Variants in HSF2 observed in about 807,000 individuals in gnomAD.
HSF2 encodes the protein heat shock factor protein 2.
HSF2 carries 21 observed loss-of-function variants against 65.0 expected under a neutral mutation model. The ratio of observed to expected loss-of-function variants is 0.32; its 90% CI spans 0.23 to 0.47. The LOEUF (loss-of-function observed/expected upper bound fraction) is 0.47, where lower values mean the gene tolerates loss of function less well. Ranked by LOEUF, HSF2 falls within the 20% of genes least tolerant of loss-of-function variation. HSF2 has a pLI of 1.00. For missense variants in HSF2, 499 were observed against 628.1 expected (o/e 0.79, Z 2.20); for synonymous variants, 225 against 219.1 (o/e 1.03, Z -0.24).
At chr6:122,410,292 C>G (rs897239075) in intron 1 of HSF2, among the ~76,000 whole-genome samples, 5 of 151,346 alleles carry the variant, frequency 3.3e-5, no homozygotes, top group Admixed American at 1.3e-4. Context: ...ATTTGTCTTC[C>G]TTTTGTATTT....
intron 5 of HSF2, among the ~76,000 whole-genome samples, chr6:122,418,154 C>T (rs1216802491): frequency 6.6e-6 from 1 of 152,150 alleles, no homozygotes; most frequent in Non-Finnish European, 1.5e-5. Context: ...CTAAATAGTG[C>T]TCCAATCAAT....
chr6:122,432,488 A>T lies in HSF2; in HGVS notation c.*268A>T, dbSNP rs773323522. On this transcript the variant is annotated 3_prime_UTR_variant, in exon 13 of 13. Coordinates refer to ENST00000368455, the MANE Select transcript of HSF2 (RefSeq NM_004506.4). ...ATGGCCATTTTTCTCCAATTTTGGT[A>T]AATTGGATATCTTTTTTTTACAAAT... is the stretch of plus-strand genomic sequence containing the variant. The T allele has an allele frequency of 2.8e-6, 1 of 356,318 alleles. No individual in the cohort carries two copies. The highest frequency in any genetic ancestry group is 5.1e-6 in the Non-Finnish European group (1 of 195,328). The allele number at this position is 356,318 out of a possible 1,614,324, so 22.1% of individuals were successfully genotyped here.
intron 1 of HSF2, among the ~76,000 whole-genome samples, chr6:122,402,334 T>C (rs1165014568): frequency 6.6e-6 from 1 of 152,250 alleles, no homozygotes; most frequent in Non-Finnish European, 1.5e-5. Context: ...GTCTCATTTG[T>C]GCTCTCCATG....
chr6:122,425,188 C>G (rs757102041), intron 10 of HSF2, among the ~76,000 whole-genome samples: 1 of 152,076 alleles, frequency 6.6e-6, no homozygotes, highest in Non-Finnish European at 1.5e-5. Flanking sequence ...TTCTGCTTCT[C>G]TAACTCCTTT....
chr6:122,413,452 T>C (rs1774046205), intron 3 of HSF2, 73 bp from the exon 4 acceptor site: 1 of 1,158,210 alleles, frequency 8.6e-7, no homozygotes, highest in Non-Finnish European at 1.2e-6. Flanking sequence ...AAACCTCTTC[T>C]AATAGGGAAG....
rs534780743 is a variant in HSF2, at chr6:122,423,565, A to AT, written c.1071-7dup. On this transcript the variant is annotated splice_polypyrimidine_tract_variant and intron_variant, in intron 9 of 12. Transcript: ENST00000368455. ...GGATATCTAATATTTGATTAAAAAA[A>AT]TTTTTTTTTCCTTAGGGTTGAGCTG... is the stretch of plus-strand genomic sequence containing the variant. 568 of 1,430,766 alleles carry AT rather than the reference A, an allele frequency of 4.0e-4. No homozygotes were observed. Among genetic ancestry groups the AT allele is most frequent in the South Asian group, 6.4e-4 (48 of 75,198 alleles). 88.6% of individuals were successfully genotyped at this position (1,430,766 alleles called of 1,614,324 possible).
At chr6:122,424,391 A>G (rs868634843) in intron 10 of HSF2, among the ~76,000 whole-genome samples, 4 of 151,722 alleles carry the variant, frequency 2.6e-5, no homozygotes, top group Non-Finnish European at 5.9e-5. Flanking sequence ...TTCTCTCTTT[A>G]TCCTGGAAAA....
chr6:122,432,451 A>G lies in HSF2; in HGVS notation c.*231A>G, dbSNP rs1774496753. 1 of 408,662 alleles carries G rather than the reference A, an allele frequency of 2.4e-6. No individual in the cohort carries two copies. The highest frequency in any genetic ancestry group is 4.1e-5 in the East Asian group (1 of 24,168). 25.3% of individuals were successfully genotyped at this position (408,662 alleles called of 1,614,324 possible). A position where few individuals can be genotyped will look rare whatever the true frequency, so the allele number is the denominator to read the frequency against. On this transcript the variant is annotated 3_prime_UTR_variant, in exon 13 of 13. Transcript: ENST00000368455. The stretch of plus-strand genomic sequence containing the variant: ...AATGCACATTATTGGCGTATCTTTA[A>G]GTTGGATTCAAATGGCCATTTTTCT...
chr6:122,410,952 T>TG (rs796881888), intron 1 of HSF2, among the ~76,000 whole-genome samples: 70 of 149,338 alleles, frequency 4.7e-4, no homozygotes, highest in African/African-American at 1.6e-3. Context: ...TTTTGGGTTT[T>TG]TTTTTTTTTT....
Position 122,432,316 on chromosome 6 carries a change from GT to G in HSF2, c.*100del, listed in dbSNP as rs1326390662. 5 of 1,056,526 alleles carry G rather than the reference GT, an allele frequency of 4.7e-6. No homozygotes were observed. The African/African-American group carries it at 8.0e-5, about 17-fold the overall frequency. The allele number at this position is 1,056,526 out of a possible 1,614,324, so 65.4% of individuals were successfully genotyped here. ...TGGTACTTTTTTTGTAAATTGCTTT[GT>G]TTTGTTTAATCAGATACTGTGGAAT... On this transcript the variant is annotated 3_prime_UTR_variant, in exon 13 of 13. Transcript: ENST00000368455.
intron 1 of HSF2, among the ~76,000 whole-genome samples, chr6:122,408,125 A>G (rs1032326759): frequency 6.6e-6 from 1 of 152,140 alleles, no homozygotes; most frequent in Non-Finnish European, 1.5e-5. Context: ...GGGTTTCAAC[A>G]TAGAATTTTG....
In HSF2 at chr6:122,422,298, A is replaced by G. The variant is rs1310800293; in HGVS notation, c.830A>G (p.Asn277Ser). ...TNEDVISDPS[N>S]CSQYPDIVIV... is the part of the protein sequence containing the mutation. ...GAGGATGTTATATCTGATCCCTCCAAGTAAGGAGTTTGTGAGATAAAATGT... is the reference window on the plus strand; with the variant it reads ...GAGGATGTTATATCTGATCCCTCCAGGTAAGGAGTTTGTGAGATAAAATGT... The change falls in exon 8 of 13, where the codon AAC becomes AGC. Residue 277 changes from asparagine to serine, a missense_variant and splice_region_variant. Transcript: ENST00000368455. 3.1e-6 allele frequency: 5 copies of G among 1,591,380 alleles called. No homozygotes were observed. The highest frequency in any genetic ancestry group is 3.4e-5 in the Admixed American group (2 of 58,438).
At chr6:122,417,395 ATT>A (rs910149571) in intron 5 of HSF2, among the ~76,000 whole-genome samples, 1 of 150,520 alleles carries the variant, frequency 6.6e-6, no homozygotes, top group East Asian at 1.9e-4. Flanking sequence ...TAATGTGTAG[ATT>A]TTTTTTTTCC....
intron 1 of HSF2, among the ~76,000 whole-genome samples, chr6:122,409,914 T>A (rs536988545): frequency 6.6e-6 from 1 of 152,136 alleles, no homozygotes; most frequent in East Asian, 1.9e-4. Flanking sequence ...AATCCTTTTC[T>A]TTCCTGATTA....
In HSF2 at chr6:122,423,646, C is replaced by T; in HGVS notation, c.1136C>T (p.Ser379Leu). Residue 379 changes from serine (S) to leucine (L), a missense_variant, in exon 10 of 13, where the codon TCA becomes TTA. Physicochemically the swap from Ser to Leu is moderately radical, Grantham distance 145. Around this residue, in one of 2 missense-constraint regions of HSF2, gnomAD observed 349 missense variants for 393.5 expected, o/e 0.89. Transcript: ENST00000368455. ...TTAGAGGACTTCCAGGCCATGCTAT[C>T]AGGAAGACAATTTAGCATAGACCCA... is the stretch of plus-strand genomic sequence containing the variant. ...CSLEDFQAMLSGRQFSIDPDL... is the reference protein window; with the variant it reads ...CSLEDFQAMLLGRQFSIDPDL... 6.2e-7 allele frequency: 1 copy of T among 1,610,098 alleles called. No homozygotes were observed. The highest frequency in any genetic ancestry group is 8.5e-7 in the Non-Finnish European group (1 of 1,177,410).
chr6:122,413,760 T>C, intron 4 of HSF2, 111 bp downstream of exon 4: 1 of 921,342 alleles, frequency 1.1e-6, no homozygotes, highest in South Asian at 1.5e-5. Context: ...GATCACTTTG[T>C]TGAAGCCAAG....
At chr6:122,402,047 A>G (rs773559897) in intron 1 of HSF2, among the ~76,000 whole-genome samples, 3 of 152,166 alleles carry the variant, frequency 2.0e-5, no homozygotes, top group African/African-American at 4.8e-5. Flanking sequence ...TATTTTTGCA[A>G]TTTTGCTTTT....
rs1329518076 is a variant in HSF2, at chr6:122,401,718, C to A, written c.93+1888C>A. Among the ~76,000 whole-genome samples, 3 of 152,186 alleles carry A rather than the reference C, an allele frequency of 2.0e-5. No homozygotes were observed. The East Asian group carries it at 5.8e-4, about 29-fold the overall frequency. ...ATGTAAGCTCAGTGAGATCACTGTGCCAGAGACACACTAGGTGTTTAATAA... is the reference window on the plus strand; with the variant it reads ...ATGTAAGCTCAGTGAGATCACTGTGACAGAGACACACTAGGTGTTTAATAA... On this transcript the variant is annotated intron_variant, in intron 1 of 12. Transcript: ENST00000368455.
intron 1 of HSF2, among the ~76,000 whole-genome samples, chr6:122,405,336 C>T (rs1773845404): frequency 6.7e-6 from 1 of 148,804 alleles, no homozygotes; most frequent in Non-Finnish European, 1.5e-5. Context: ...CTTTAAAAAA[C>T]ACCAAGATAA....
Sources: allele counts gnomAD v4.1 joint callset (sites outside exome capture counted in the v4.1 genomes callset), GRCh38; gene constraint gnomAD v4.1.1; regional missense constraint gnomAD v4.1.1; transcripts MANE v1.5; gene names NCBI Gene and HGNC (gene_info 2026-07-23, HGNC 2026-07-21).